The following CIBAR1 variants were observed in gnomAD, a reference collection of about 807,000 sequenced individuals.
CIBAR1 encodes the protein CBY1 interacting BAR domain containing 1.
In CIBAR1, 25 loss-of-function variants were observed where a neutral mutation model predicts 44.0. The observed-to-expected ratio is 0.57, with a 90% CI of 0.41 to 0.79. The LOEUF is 0.79. CIBAR1 is among the 30% of genes least tolerant of loss of function. CIBAR1 has a pLI of 0.00. For synonymous variants in CIBAR1, 115 were observed against 119.0 expected, an observed-to-expected ratio of 0.97 and a Z score of 0.22; for missense variants, 278 against 344.8, an observed-to-expected ratio of 0.81 and a Z score of 1.53.
chr8:93,701,841 A>C (rs757347799), intron 2 of CIBAR1: 8 of 227,048 alleles, frequency 3.5e-5, no homozygotes, highest in Non-Finnish European at 6.1e-5. Context: ...TGGGAATGGT[A>C]ATGTGGATGG....
At chr8:93,725,180 G>A (rs1370595944) in intron 7 of CIBAR1, among the ~76,000 whole-genome samples, 1 of 151,976 alleles carries the variant, frequency 6.6e-6, no homozygotes, top group Non-Finnish European at 1.5e-5. Flanking sequence ...ATAGGGTTTC[G>A]CCATGTTGCC....
At chr8:93,711,613 GGA>G (rs1810826850) in intron 6 of CIBAR1, among the ~76,000 whole-genome samples, 1 of 152,194 alleles carries the variant, frequency 6.6e-6, no homozygotes, top group African/African-American at 2.4e-5. Context: ...GAGCAAGGAA[GGA>G]GAATTATTAA....
chr8:93,709,577 T>A (rs1810738309), intron 5 of CIBAR1, 194 bp from the exon 6 acceptor site: 1 of 509,214 alleles, frequency 2.0e-6, no homozygotes, highest in Admixed American at 3.3e-5. Context: ...ATGAATCATA[T>A]CACTAAATAA....
chr8:93,710,541 T>C (rs1055527319), intron 6 of CIBAR1, among the ~76,000 whole-genome samples: 10 of 151,768 alleles, frequency 6.6e-5, no homozygotes, highest in Non-Finnish European at 1.3e-4. Context: ...GGTGGTGTTA[T>C]GAAATTAAGC....
intron 1 of CIBAR1, chr8:93,700,985 GC>G: frequency 7.2e-7 from 1 of 1,397,202 alleles, no homozygotes; most frequent in Non-Finnish European, 9.2e-7. Context: ...AGCCGGAGCA[GC>G]CACCTCCCCA....
At position 93,700,557 on chromosome 8, in the gene CIBAR1, C is replaced by G. The variant is rs997461791; in HGVS notation, c.-91C>G. The stretch of plus-strand genomic sequence containing the variant: ...CGCGAGGGGCGGGCTTTCAGGCTCC[C>G]GGCGGCTGCTTGCGCCCCAGCGCGC... On this transcript the variant is annotated 5_prime_UTR_variant, in exon 1 of 9. Coordinates refer to ENST00000518322, the MANE Select transcript of CIBAR1 (RefSeq NM_145269.5). 2.2e-6 allele frequency: 3 copies of G among 1,365,770 alleles called. No individual in the cohort carries two copies. The highest frequency in any genetic ancestry group is 2.8e-6 in the Non-Finnish European group (3 of 1,056,804). 84.6% of individuals were successfully genotyped at this position (1,365,770 alleles called of 1,614,324 possible). A position where few individuals can be genotyped will look rare whatever the true frequency, so the allele number is the denominator to read the frequency against.
chr8:93,715,076 G>A (rs1156512310), intron 6 of CIBAR1, among the ~76,000 whole-genome samples: 1 of 152,172 alleles, frequency 6.6e-6, no homozygotes, highest in African/African-American at 2.4e-5. Flanking sequence ...TAATTGATAA[G>A]TCCATTTGAA....
chr8:93,714,671 C>T (rs1810972060), intron 6 of CIBAR1, among the ~76,000 whole-genome samples: 1 of 150,766 alleles, frequency 6.6e-6, no homozygotes, highest in African/African-American at 2.4e-5. Flanking sequence ...TTTAATAGAG[C>T]TGGTGTCTCC....
chr8:93,727,997 C>T (rs1811607099), intron 8 of CIBAR1, among the ~76,000 whole-genome samples: 1 of 151,900 alleles, frequency 6.6e-6, no homozygotes, highest in Non-Finnish European at 1.5e-5. Flanking sequence ...TGGCTAATTA[C>T]ACATTTTTAT....
intron 8 of CIBAR1, among the ~76,000 whole-genome samples, chr8:93,727,971 TCCAA>T (rs1209081842): frequency 6.6e-6 from 1 of 152,070 alleles, no homozygotes; most frequent in Non-Finnish European, 1.5e-5. Context: ...TTGATGGCTA[TCCAA>T]CTAAAATCAA....
chr8:93,700,830 T>A (rs527447517), intron 1 of CIBAR1, 157 bp downstream of exon 1: 1 of 1,320,056 alleles, frequency 7.6e-7, no homozygotes, highest in Non-Finnish European at 9.6e-7. Flanking sequence ...TTCCTTGGGC[T>A]GCAGCCACCG....
intron 7 of CIBAR1, among the ~76,000 whole-genome samples, chr8:93,723,925 CAA>C (rs919083430): frequency 1.3e-5 from 2 of 152,132 alleles, no homozygotes; most frequent in African/African-American, 4.8e-5. Context: ...TCAAGAGCCA[CAA>C]AAAGTTTTAG....
intron 8 of CIBAR1, chr8:93,727,006 G>A: frequency 2.2e-6 from 1 of 446,810 alleles, no homozygotes; most frequent in Non-Finnish European, 4.4e-6. Context: ...TTAAGATGTG[G>A]AGACTAACAT....
At chr8:93,726,078 A>G in intron 7 of CIBAR1, 1 of 225,364 alleles carries the variant, frequency 4.4e-6, no homozygotes, top group Non-Finnish European at 8.7e-6. Context: ...TATGAGTCGC[A>G]GCCTCCCTAC....
In CIBAR1 at chr8:93,729,829, A is replaced by G. The variant is rs567852734; in HGVS notation, c.*1532A>G. ...TAGCTTCCACTACAACAACAACAAA[A>G]AACAGGCAACCAATCCAACCAACCC... On this transcript the variant is annotated 3_prime_UTR_variant, in exon 9 of 9. Coordinates refer to ENST00000518322, the MANE Select transcript of CIBAR1 (RefSeq NM_145269.5). The G allele has an allele frequency of 5.9e-5, 9 of 152,302 alleles. No homozygotes were observed. The highest frequency in any genetic ancestry group is 5.2e-4 in the Admixed American group (8 of 15,302). The allele number at this position is 152,302 out of a possible 1,614,324, so 9.4% of individuals were successfully genotyped here.
chr8:93,719,486 A>G (rs1586283325), intron 7 of CIBAR1: 2 of 152,196 alleles, frequency 1.3e-5, no homozygotes, highest in Non-Finnish European at 2.9e-5. Context: ...AAACCTCAAA[A>G]TCTTAGGTGG....
At chr8:93,714,271 A>C (rs1172165406) in intron 6 of CIBAR1, among the ~76,000 whole-genome samples, 5 of 152,204 alleles carry the variant, frequency 3.3e-5, no homozygotes, top group African/African-American at 1.2e-4. Flanking sequence ...ATTGTCACAA[A>C]TGTATAGAAA....
At chr8:93,727,597 C>T (rs1811579911) in intron 8 of CIBAR1, among the ~76,000 whole-genome samples, 1 of 152,188 alleles carries the variant, frequency 6.6e-6, no homozygotes, top group African/African-American at 2.4e-5. Context: ...TTAGCATCCC[C>T]CGCCTCTACC....
chr8:93,702,808 C>G (rs1810416693), intron 2 of CIBAR1, among the ~76,000 whole-genome samples: 1 of 151,962 alleles, frequency 6.6e-6, no homozygotes, highest in South Asian at 2.1e-4. Context: ...AAATATGTAT[C>G]ATTAAAAAGC....
Sources: allele counts gnomAD v4.1 joint callset (sites outside exome capture counted in the v4.1 genomes callset), GRCh38; gene constraint gnomAD v4.1.1; transcripts MANE v1.5; gene names NCBI Gene and HGNC (gene_info 2026-07-23, HGNC 2026-07-21).